The following RALGAPA2 variants were observed in gnomAD, a reference collection of about 807,000 sequenced individuals.
RALGAPA2 encodes ral GTPase-activating protein subunit alpha-2.
RALGAPA2 carries 139 observed loss-of-function variants against 230.4 expected under a neutral mutation model. The observed-to-expected ratio is 0.60, with a 90% confidence interval of 0.53 to 0.69. The LOEUF (loss-of-function observed/expected upper bound fraction) is 0.69, where lower values mean the gene tolerates loss of function less well. RALGAPA2 is among the 30% of genes least tolerant of loss of function. The pLI is 0.00. For missense variants in RALGAPA2, 2,163 were observed against 2,276.0 expected, an observed-to-expected ratio of 0.95 and a Z score of 1.01; for synonymous variants, 847 against 837.8, an observed-to-expected ratio of 1.01 and a Z score of -0.19.
chr20:20,415,014 G>A (rs1267058992), intron 37 of RALGAPA2, among the ~76,000 whole-genome samples: 3 of 152,334 alleles, frequency 2.0e-5, no homozygotes, highest in African/African-American at 7.2e-5. Context: ...CTTAGCTCTG[G>A]CAGCGTTTAG....
At chr20:20,546,565 C>G in intron 24 of RALGAPA2, 139 bp downstream of exon 24, 6 of 1,146,536 alleles carry the variant, frequency 5.2e-6, no homozygotes, top group Non-Finnish European at 6.9e-6. Flanking sequence ...CACACATCAG[C>G]TGCCAGGGTA....
At chr20:20,455,157 T>C (rs2061081963) in intron 37 of RALGAPA2, among the ~76,000 whole-genome samples, 2 of 152,226 alleles carry the variant, frequency 1.3e-5, no homozygotes, top group Admixed American at 6.5e-5. Context: ...CCGGAGCTGC[T>C]GCCTCCACAG....
In RALGAPA2 at chr20:20,412,970, C is replaced by T. The variant is rs117782797; in HGVS notation, c.5496-822G>A. ...GTTTCCTTAGAAGGTGAATCATGCA[C>T]TTCCAATAACAGGATAACGTCAGAA... is the stretch of plus-strand genomic sequence containing the variant. On this transcript the variant is annotated intron_variant, in intron 37 of 39. Transcript: ENST00000202677. Among the ~76,000 whole-genome samples, 138 of 152,318 alleles carry T rather than the reference C, an allele frequency of 9.1e-4. 1 individual carries two copies. In the East Asian group the frequency reaches 0.024, roughly 27 times the overall value.
rs149881538 is a variant in RALGAPA2 at position 20,430,536 on chromosome 20, T to C, written c.5496-18388A>G. Among the ~76,000 whole-genome samples, 5 of 152,356 alleles carry C rather than the reference T, an allele frequency of 3.3e-5. No individual in the cohort carries two copies. The East Asian group carries it at 5.8e-4, about 18-fold the overall frequency. On this transcript the variant is annotated intron_variant, in intron 37 of 39. Coordinates refer to ENST00000202677, the MANE Select transcript of RALGAPA2 (RefSeq NM_020343.4). Reference sequence around the variant, plus strand: ...CCAGTGATAAGGAGAGTAGTCATTGTACATGATGGAAACTTGCCTCTACCT... The same window carrying C: ...CCAGTGATAAGGAGAGTAGTCATTGCACATGATGGAAACTTGCCTCTACCT...
rs1357151642 is a variant in RALGAPA2 at position 20,517,525 on chromosome 20, GTAAA to G, written c.4084+3388_4084+3391del. 2.0e-5 allele frequency among the ~76,000 whole-genome samples: 3 copies of G among 152,266 alleles called. No individual in the cohort carries two copies. The East Asian group carries it at 5.8e-4, about 29-fold the overall frequency. On this transcript the variant is annotated intron_variant, in intron 31 of 39. Coordinates refer to ENST00000202677, the MANE Select transcript of RALGAPA2 (RefSeq NM_020343.4). Reference sequence around the variant, plus strand: ...GCCTGAAGCCTGGATCATCAAGAGAGTAAATAAAATACTGGGGAAAAATTAAACA... The same window carrying G: ...GCCTGAAGCCTGGATCATCAAGAGAGTAAAATACTGGGGAAAAATTAAACA...
rs540466332 is a variant in RALGAPA2, at chr20:20,546,933, G to C, written c.3157-101C>G. On this transcript the variant is annotated intron_variant, in intron 23 of 39. Coordinates refer to ENST00000202677, the MANE Select transcript of RALGAPA2 (RefSeq NM_020343.4). ...ATATGACCACTGTATAATAATCCAA[G>C]AGAGCACAGATTACAGAAAATTTTC... The C allele has an allele frequency of 2.5e-6, 3 of 1,214,544 alleles. No homozygotes were observed. In the South Asian group the frequency reaches 7.1e-5, roughly 29 times the overall value. The allele number at this position is 1,214,544 out of a possible 1,614,324, so 75.2% of individuals were successfully genotyped here.
intron 27 of RALGAPA2, among the ~76,000 whole-genome samples, chr20:20,528,995 A>T (rs1021415882): frequency 6.6e-6 from 1 of 151,758 alleles, no homozygotes; most frequent in Non-Finnish European, 1.5e-5. Flanking sequence ...CCTTGTAGCA[A>T]CTCTTTCCCT....
At chr20:20,438,561 T>C (rs1466072992) in intron 37 of RALGAPA2, among the ~76,000 whole-genome samples, 2 of 152,140 alleles carry the variant, frequency 1.3e-5, no homozygotes, top group African/African-American at 4.8e-5. Flanking sequence ...TCAGAGGCAG[T>C]GATCAGGGTG....
At chr20:20,531,820 G>A (rs767347749) in intron 26 of RALGAPA2, 25 bp from the exon 27 acceptor site, 1 of 1,508,714 alleles carries the variant, frequency 6.6e-7, no homozygotes, top group South Asian at 1.2e-5. Context: ...GAAAACAGAG[G>A]AAAACTCTCA....
At position 20,560,131 on chromosome 20, in the gene RALGAPA2, C is replaced by A. The variant is rs377737934; in HGVS notation, c.3156+11327G>T. On this transcript the variant is annotated intron_variant, in intron 23 of 39. Coordinates refer to ENST00000202677, the MANE Select transcript of RALGAPA2 (RefSeq NM_020343.4). ...TAGCTAAGAGTGAGGCCACCAAGAG[C>A]ACAGGGCTCTTGCATGATGGGGACA... 3.9e-5 allele frequency among the ~76,000 whole-genome samples: 6 copies of A among 152,094 alleles called. No homozygotes were observed. In the East Asian group the frequency reaches 9.7e-4, roughly 25 times the overall value.
intron 37 of RALGAPA2, among the ~76,000 whole-genome samples, chr20:20,453,362 T>C (rs1231785458): frequency 6.6e-6 from 1 of 152,062 alleles, no homozygotes; most frequent in African/African-American, 2.4e-5. Context: ...GGAAGGTGTC[T>C]GGCAGACACA....
At chr20:20,533,355 C>T (rs1361192946) in intron 26 of RALGAPA2, among the ~76,000 whole-genome samples, 1 of 151,928 alleles carries the variant, frequency 6.6e-6, no homozygotes, top group African/African-American at 2.4e-5. Flanking sequence ...TATTATTTAA[C>T]TAAACCAGTG....
chr20:20,483,144 G>T (rs2061821690), intron 36 of RALGAPA2, among the ~76,000 whole-genome samples: 2 of 152,174 alleles, frequency 1.3e-5, no homozygotes, highest in Admixed American at 1.3e-4. Context: ...CACAAGTTAG[G>T]TGGCCAGAAA....
At chr20:20,495,033 A>T (rs1218068865) in intron 36 of RALGAPA2, 84 bp downstream of exon 36, 3 of 1,292,860 alleles carry the variant, frequency 2.3e-6, no homozygotes, top group Non-Finnish European at 3.2e-6. Flanking sequence ...CCCCTTTAAC[A>T]TATTTGTATC....
chr20:20,707,873 CCATGTTACTTACCATCACTGT>C (rs2069670621), intron 1 of RALGAPA2, among the ~76,000 whole-genome samples: 1 of 152,054 alleles, frequency 6.6e-6, no homozygotes. Context: ...CCACACCTCG[CCATGTTACTTACCATCACTGT>C]CATGTTACTT....
chr20:20,602,075 A>G (rs1049705195), intron 15 of RALGAPA2, among the ~76,000 whole-genome samples: 4 of 152,240 alleles, frequency 2.6e-5, no homozygotes, highest in Non-Finnish European at 5.9e-5. Flanking sequence ...AGTCTTATGG[A>G]TATTATTATA....
intron 21 of RALGAPA2, 43 bp from the exon 22 acceptor site, chr20:20,571,989 T>A: frequency 7.4e-7 from 1 of 1,357,022 alleles, no homozygotes; most frequent in Middle Eastern, 1.8e-4. Flanking sequence ...TAACATTACG[T>A]TTATCCCAAC....
chr20:20,620,765 G>A lies in RALGAPA2; in HGVS notation c.1234-135C>T, dbSNP rs2066294591. ...ACACAGCTTATAAATATACTACACA[G>A]GGCCACAAATCTTTGTGCACACCAA... On this transcript the variant is annotated intron_variant, in intron 10 of 39. Transcript: ENST00000202677. 6 of 677,178 alleles carry A rather than the reference G, an allele frequency of 8.9e-6. No homozygotes were observed. In the Admixed American group the frequency reaches 2.0e-4, roughly 22 times the overall value. 41.9% of individuals were successfully genotyped at this position (677,178 alleles called of 1,614,324 possible).
At chr20:20,637,337 C>T in intron 8 of RALGAPA2, 26 bp downstream of exon 8, 1 of 1,560,116 alleles carries the variant, frequency 6.4e-7, no homozygotes, top group Non-Finnish European at 8.7e-7. Flanking sequence ...TGGATATCCT[C>T]TATACACGGC....
Sources: allele counts gnomAD v4.1 joint callset (sites outside exome capture counted in the v4.1 genomes callset), GRCh38; gene constraint gnomAD v4.1.1; transcripts MANE v1.5; gene names NCBI Gene and HGNC (gene_info 2026-07-23, HGNC 2026-07-21).